Variants in FRY observed in about 807,000 individuals in gnomAD.
FRY encodes protein furry homolog.
A neutral mutation model predicts 348.4 loss-of-function variants in FRY; 128 were observed. The observed-to-expected ratio is 0.37, with a 90% confidence interval of 0.32 to 0.43. The LOEUF is 0.43. FRY is among the 20% of genes least tolerant of loss of function. The probability of loss-of-function intolerance (pLI) is 1.00; values close to 1 mark genes in which losing one functional copy is unlikely to be tolerated. For missense variants in FRY, 2,736 were observed against 3,695.2 expected, an observed-to-expected ratio of 0.74 and a Z score of 6.73; for synonymous variants, 1,370 against 1,374.7, an observed-to-expected ratio of 1.00 and a Z score of 0.08.
At chr13:32,158,959 A>T (rs1315864427) in intron 16 of FRY, among the ~76,000 whole-genome samples, 3 of 150,208 alleles carry the variant, frequency 2.0e-5, no homozygotes, top group Non-Finnish European at 4.5e-5. Context: ...CTCAAAAAAA[A>T]AAAAAAAAAA....
At position 32,239,685 on chromosome 13, in the gene FRY, C is replaced by A. The variant is rs763968402; in HGVS notation, c.6517-26C>A. 13 of 1,530,296 alleles carry A rather than the reference C, an allele frequency of 8.5e-6. 1 individual carries two copies. The South Asian group carries it at 1.5e-4, about 17-fold the overall frequency. The allele number at this position is 1,530,296 out of a possible 1,614,324, so 94.8% of individuals were successfully genotyped here. ...TTCCTATTCATTGGGCTATTTTATT[C>A]CTAATTGATTTTTTTATTTTAAAAG... is the stretch of plus-strand genomic sequence containing the variant. On this transcript the variant is annotated intron_variant, in intron 45 of 60. Coordinates refer to ENST00000542859, the MANE Select transcript of FRY (RefSeq NM_023037.3). The surrounding 1 kb of genome is among the most constrained non-coding windows in gnomAD (Gnocchi z 4.3).
intron 20 of FRY, among the ~76,000 whole-genome samples, chr13:32,177,552 C>A (rs1882440412): frequency 6.6e-6 from 1 of 151,942 alleles, no homozygotes; most frequent in Admixed American, 6.6e-5. Flanking sequence ...CAAGATCACA[C>A]CACTGCACTC....
At chr13:32,065,654 G>T (rs190599551) in intron 1 of FRY, among the ~76,000 whole-genome samples, 1 of 152,174 alleles carries the variant, frequency 6.6e-6, no homozygotes, top group East Asian at 1.9e-4. Flanking sequence ...AGGCTGGAGT[G>T]CAGTGGCGCA....
chr13:32,254,504 A>C, intron 51 of FRY, 110 bp downstream of exon 51: 2 of 1,104,402 alleles, frequency 1.8e-6, no homozygotes, highest in Non-Finnish European at 2.7e-6. Flanking sequence ...CTTTAATTGG[A>C]AAGTTGTAAA....
chr13:32,280,607 C>T (rs1019723281), intron 58 of FRY, among the ~76,000 whole-genome samples: 2 of 152,138 alleles, frequency 1.3e-5, no homozygotes, highest in South Asian at 4.1e-4. Context: ...GAGCACAAAT[C>T]GAATCCAGCT....
chr13:32,137,898 C>T (rs969779222), intron 11 of FRY, among the ~76,000 whole-genome samples: 2 of 151,934 alleles, frequency 1.3e-5, no homozygotes, highest in Non-Finnish European at 2.9e-5. Context: ...TTGGCATTTA[C>T]CATAATTACA....
intron 47 of FRY, 106 bp from the exon 48 acceptor site, chr13:32,247,217 T>C: frequency 1.1e-6 from 1 of 881,216 alleles, no homozygotes; most frequent in South Asian, 1.4e-5. Context: ...CTGTTTTAAG[T>C]CAGTGAATTC....
At chr13:32,261,928 A>T in intron 52 of FRY, 112 bp downstream of exon 52, 2 of 988,972 alleles carry the variant, frequency 2.0e-6, no homozygotes, top group Non-Finnish European at 3.1e-6. Flanking sequence ...GCTGAACTAA[A>T]ATCGGAACTG....
chr13:32,145,637 C>T (rs549434274), intron 11 of FRY, among the ~76,000 whole-genome samples: 1 of 149,992 alleles, frequency 6.7e-6, no homozygotes, highest in African/African-American at 2.5e-5. Flanking sequence ...CTCCGCTTCC[C>T]GGGTTCACGC....
At chr13:32,059,458 C>CAAAAAA (rs10692049) in intron 1 of FRY, among the ~76,000 whole-genome samples, 4 of 111,430 alleles carry the variant, frequency 3.6e-5, no homozygotes, top group East Asian at 2.8e-4. Context: ...ACTTAGGAAG[C>CAAAAAA]AAAAAAAAAA....
At chr13:32,142,542 T>C (rs561057460) in intron 11 of FRY, among the ~76,000 whole-genome samples, 2 of 152,326 alleles carry the variant, frequency 1.3e-5, no homozygotes, top group East Asian at 3.9e-4. Flanking sequence ...GAGCAATTTA[T>C]TGGGCCTTCC....
intron 47 of FRY, among the ~76,000 whole-genome samples, 160 bp downstream of exon 47, chr13:32,244,342 C>T (rs568667449): frequency 9.2e-5 from 14 of 152,132 alleles, no homozygotes; most frequent in Non-Finnish European, 1.9e-4. Context: ...TTGGCCACAC[C>T]CTGAGTAGTA....
chr13:32,130,567 T>G (rs1208963993), intron 7 of FRY, among the ~76,000 whole-genome samples: 2 of 151,818 alleles, frequency 1.3e-5, no homozygotes, highest in Non-Finnish European at 2.9e-5. Context: ...TTCTCTACTC[T>G]TAGGTACTTG....
chr13:32,291,212 T>C (rs977389790), intron 59 of FRY, among the ~76,000 whole-genome samples: 2 of 152,014 alleles, frequency 1.3e-5, no homozygotes, highest in African/African-American at 4.8e-5. Context: ...CATTTTACCA[T>C]TTTTTTATTA....
At chr13:32,261,933 G>C (rs1887669462) in intron 52 of FRY, 117 bp downstream of exon 52, 1 of 940,834 alleles carries the variant, frequency 1.1e-6, no homozygotes, top group Non-Finnish European at 1.7e-6. Flanking sequence ...ACTAAAATCG[G>C]AACTGTCAGG....
At chr13:32,135,477 T>G (rs1879655510) in intron 10 of FRY, among the ~76,000 whole-genome samples, 1 of 152,168 alleles carries the variant, frequency 6.6e-6, no homozygotes, top group Non-Finnish European at 1.5e-5. Context: ...TTCTGAGAAC[T>G]TTTTTCCAAT....
intron 55 of FRY, among the ~76,000 whole-genome samples, chr13:32,270,558 GT>G (rs1414588789): frequency 6.6e-6 from 1 of 152,182 alleles, no homozygotes; most frequent in Non-Finnish European, 1.5e-5. Context: ...AAGTTTGGCT[GT>G]TATGGTCATT....
chr13:32,294,979 C>T (rs1419883908), intron 60 of FRY, among the ~76,000 whole-genome samples: 3 of 151,934 alleles, frequency 2.0e-5, no homozygotes, highest in Non-Finnish European at 4.4e-5. Flanking sequence ...TGATATTTTA[C>T]CAAAATAATA....
Position 32,254,270 on chromosome 13 carries a change from C to A in FRY, c.7292C>A (p.Thr2431Lys), listed in dbSNP as rs1755806107. The A allele has an allele frequency of 1.9e-6, 3 of 1,614,056 alleles. No individual in the cohort carries two copies. The highest frequency in any genetic ancestry group is 2.5e-6 in the Non-Finnish European group (3 of 1,179,982). The stretch of plus-strand genomic sequence containing the variant: ...GATCTGGATCTGCTTGAGCACCAGA[C>A]AAGCTTGGTATCTTCTGAGGACGGT... ...CGDLDLLEHQ[T>K]SLVSSEDGAR... The change falls in exon 51 of 61, where the codon ACA becomes AAA. Residue 2431 changes from threonine to lysine, a missense_variant. Thr to Lys is a moderately conservative substitution (Grantham distance 78). Around this residue, in one of 9 missense-constraint regions of FRY, gnomAD observed 789 missense variants for 996.2 expected, o/e 0.79. Transcript: ENST00000542859.
Sources: allele counts gnomAD v4.1 joint callset (sites outside exome capture counted in the v4.1 genomes callset), GRCh38; gene constraint gnomAD v4.1.1; regional missense constraint gnomAD v4.1.1; non-coding constraint Gnocchi (gnomAD v3.1); transcripts MANE v1.5; gene names NCBI Gene and HGNC (gene_info 2026-07-23, HGNC 2026-07-21).